CCDC197: variants seen among roughly 807,000 people sequenced by gnomAD.
CCDC197 encodes the protein uncharacterized protein CCDC197.
In CCDC197, 24 loss-of-function variants were observed where a neutral mutation model predicts 13.4. The observed-to-expected ratio is 1.80, with a 90% CI of 1.30 to 2.53. The LOEUF (loss-of-function observed/expected upper bound fraction) is 2.53, where lower values mean the gene tolerates loss of function less well. Among genes scored for constraint, CCDC197 ranks in the 30% most tolerant of loss-of-function variants. CCDC197 has a pLI of 0.00. For missense variants in CCDC197, 255 were observed against 148.8 expected (o/e 1.71, Z -3.71); for synonymous variants, 99 against 55.5 (o/e 1.78, Z -3.48).
At chr14:93,988,932 G>A (rs1890161691) in intron 1 of CCDC197, among the ~76,000 whole-genome samples, 1 of 151,280 alleles carries the variant, frequency 6.6e-6, no homozygotes. Flanking sequence ...GGAATGGGAG[G>A]AGGGGATGGG....
At chr14:94,008,206 C>T (rs957455588) in intron 6 of CCDC197, among the ~76,000 whole-genome samples, 1 of 152,228 alleles carries the variant, frequency 6.6e-6, no homozygotes, top group African/African-American at 2.4e-5. Flanking sequence ...AATTGAGCCA[C>T]CTGAATATGC....
intron 6 of CCDC197, 33 bp from the exon 7 acceptor site, chr14:94,008,576 A>G: frequency 1.4e-6 from 1 of 693,250 alleles, no homozygotes. Flanking sequence ...AGGCCAAAAC[A>G]CTGTCAGGTG....
At chr14:94,002,115 G>A (rs1890533856) in intron 4 of CCDC197, among the ~76,000 whole-genome samples, 1 of 152,176 alleles carries the variant, frequency 6.6e-6, no homozygotes, top group East Asian at 1.9e-4. Context: ...TATTCCAAGG[G>A]CTGGGACTAG....
rs1459257129 is a variant in CCDC197, at chr14:93,988,381, G to A, written c.-107+985G>A. On this transcript the variant is annotated intron_variant, in intron 1 of 7. Coordinates refer to the CCDC197 transcript ENST00000640978. ...GAGGAGGGCATGGGAGAGAGGACAA[G>A]AGAGGGGATGAGAGAGGGGATGGGA... Among the ~76,000 whole-genome samples, 15 of 106,970 alleles carry A rather than the reference G, an allele frequency of 1.4e-4. 1 individual carries two copies. Among genetic ancestry groups the A allele is most frequent in the African/African-American group, 5.5e-4 (14 of 25,664 alleles). The allele number at this position is 106,970 out of a possible 152,430, so 70.2% of individuals were successfully genotyped here. A position where few individuals can be genotyped will look rare whatever the true frequency, so the allele number is the denominator to read the frequency against.
At position 94,008,760 on chromosome 14, in the gene CCDC197, C is replaced by T; in HGVS notation, c.767C>T (p.Pro256Leu). The T allele has an allele frequency of 1.4e-6, 1 of 702,696 alleles. No homozygotes were observed. The highest frequency in any genetic ancestry group is 2.6e-6 in the Non-Finnish European group (1 of 385,012). 43.5% of individuals were successfully genotyped at this position (702,696 alleles called of 1,614,324 possible). A position where few individuals can be genotyped will look rare whatever the true frequency, so the allele number is the denominator to read the frequency against. The change falls in exon 7 of 7, where the codon CCC (proline) becomes CTC (leucine). Residue 256 changes from proline to leucine, a missense_variant. Transcript: ENST00000636493. ...TGTCCAAGGAGGCGGGTTTCCACCC[C>T]CAGGACCCCCTTTCCCAGCCCCCAT... ...RKCPRRRVSTPRTPFPSPHAS... is the reference protein window; with the variant it reads ...RKCPRRRVSTLRTPFPSPHAS...
At chr14:93,995,208 T>A (rs1890259081), upstream of CCDC197, among the ~76,000 whole-genome samples, 1 of 152,146 alleles carries the variant, frequency 6.6e-6, no homozygotes, top group African/African-American at 2.4e-5. Flanking sequence ...GCAGAGATGA[T>A]GATGAAGCTG....
chr14:93,994,456 AAG>A (rs1346367632), upstream of CCDC197, among the ~76,000 whole-genome samples: 1 of 152,158 alleles, frequency 6.6e-6, no homozygotes, highest in African/African-American at 2.4e-5. Flanking sequence ...ACTCCCAGTA[AAG>A]AGTCAGGCAG....
At chr14:94,008,210 A>G (rs966706226) in intron 6 of CCDC197, among the ~76,000 whole-genome samples, 3 of 152,240 alleles carry the variant, frequency 2.0e-5, no homozygotes, top group African/African-American at 7.2e-5. Context: ...GAGCCACCTG[A>G]ATATGCTCAG....
upstream of CCDC197, among the ~76,000 whole-genome samples, chr14:93,993,527 C>T (rs116236488): frequency 4.5e-3 from 681 of 152,326 alleles, 7 homozygotes; most frequent in African/African-American, 0.015. Context: ...CAGCTGGTAG[C>T]CCTGCCTCAA....
downstream of CCDC197, among the ~76,000 whole-genome samples, chr14:94,009,748 G>C (rs1890778219): frequency 6.6e-6 from 1 of 152,068 alleles, no homozygotes; most frequent in Admixed American, 6.6e-5. Context: ...CAGGGGTGGT[G>C]GTGAGAGGAT....
upstream of CCDC197, among the ~76,000 whole-genome samples, chr14:93,995,823 T>C (rs550101447): frequency 9.9e-5 from 15 of 152,248 alleles, no homozygotes; most frequent in East Asian, 3.9e-4. Flanking sequence ...CAGCCTCCCA[T>C]GCATCTCTCC....
Position 94,008,805 on chromosome 14 carries a change from T to G in CCDC197, c.812T>G (p.Leu271Arg). Residue 271 changes from leucine to arginine, a missense_variant, in exon 7 of 7, where the codon CTG (leucine) becomes CGG (arginine). Coordinates refer to ENST00000636493, the MANE Select transcript of CCDC197 (RefSeq NM_001351596.2). ...PSPHASECSG[L>R]Y is the part of the protein sequence containing the mutation. ...CCCCATGCTTCAGAGTGCTCCGGCC[T>G]GTACTGACCAGCCTGCGCCTTGCAG... 1.4e-6 allele frequency: 1 copy of G among 700,392 alleles called. No individual in the cohort carries two copies. The highest frequency in any genetic ancestry group is 2.6e-6 in the Non-Finnish European group (1 of 383,250). The allele number at this position is 700,392 out of a possible 1,614,324, so 43.4% of individuals were successfully genotyped here. A position where few individuals can be genotyped will look rare whatever the true frequency, so the allele number is the denominator to read the frequency against.
Position 94,001,307 on chromosome 14 carries a change from A to G in CCDC197, c.350A>G (p.His117Arg), listed in dbSNP as rs747926474. ...AGCCTGGAGTCTCTGGAGGAGGACC[A>G]CAGGGCTCTCATGTTGGTAACAGCT... ...HRSLESLEED[H>R]RALMLSLKIR... is the part of the protein sequence containing the mutation. The change falls in exon 4 of 7, where the codon CAC becomes CGC. Residue 117 changes from histidine to arginine, a missense_variant. Coordinates refer to ENST00000636493, the MANE Select transcript of CCDC197 (RefSeq NM_001351596.2). 4 of 776,782 alleles carry G rather than the reference A, an allele frequency of 5.1e-6. No homozygotes were observed. The highest frequency in any genetic ancestry group is 4.0e-5 in the South Asian group (3 of 74,162). The allele number at this position is 776,782 out of a possible 1,614,324, so 48.1% of individuals were successfully genotyped here.
chr14:93,997,531 G>A lies in CCDC197; in HGVS notation c.-174G>A, dbSNP rs567452532. 3 of 152,270 alleles carry A rather than the reference G, an allele frequency of 2.0e-5. No homozygotes were observed. Among genetic ancestry groups the A allele is most frequent in the African/African-American group, 7.3e-5 (3 of 41,328 alleles). The allele number at this position is 152,270 out of a possible 1,614,324, so 9.4% of individuals were successfully genotyped here. On this transcript the variant is annotated 5_prime_UTR_variant, in exon 1 of 7. Coordinates refer to ENST00000636493, the MANE Select transcript of CCDC197 (RefSeq NM_001351596.2). ...GACCATTTTCCCAGCTTGACCATGAGCTTCTTCAAGGCATCTCTTCTCAGT... is the reference window on the plus strand; with the variant it reads ...GACCATTTTCCCAGCTTGACCATGAACTTCTTCAAGGCATCTCTTCTCAGT...
intron 5 of CCDC197, among the ~76,000 whole-genome samples, chr14:94,004,489 A>T (rs544987039): frequency 4.6e-5 from 7 of 152,184 alleles, no homozygotes; most frequent in Admixed American, 6.5e-5. Flanking sequence ...AGCCCCTTTG[A>T]GGTCTCTCTC....
At chr14:93,998,701 A>G (rs1285494827) in intron 2 of CCDC197, among the ~76,000 whole-genome samples, 1 of 152,234 alleles carries the variant, frequency 6.6e-6, no homozygotes, top group Non-Finnish European at 1.5e-5. Context: ...TTTATGAAGA[A>G]AAGAGCTGAC....
Position 94,001,279 on chromosome 14 carries a change from CG to C in CCDC197, c.324del (p.Ser109AlafsTer14). On this transcript the variant is annotated frameshift_variant, in exon 4 of 7. Transcript: ENST00000636493. LOFTEE classifies it high-confidence loss of function. ...CTGCCAGATGATCCAGGCTGTCCAC[CG>C]GAGCCTGGAGTCTCTGGAGGAGGAC... ...AFCQMIQAVH[R>X]SLESLEEDHR... The C allele has an allele frequency of 1.3e-6, 1 of 780,500 alleles. No individual in the cohort carries two copies. Among genetic ancestry groups the C allele is most frequent in the Non-Finnish European group, 2.4e-6 (1 of 417,896 alleles). 48.3% of individuals were successfully genotyped at this position (780,500 alleles called of 1,614,324 possible).
intron 1 of CCDC197, among the ~76,000 whole-genome samples, chr14:93,988,429 G>C (rs1188716669): frequency 1.1e-5 from 1 of 87,130 alleles, no homozygotes; most frequent in Non-Finnish European, 2.3e-5. Flanking sequence ...AGGAGCAGAT[G>C]GGAGGAGAGG....
At chr14:93,998,767 A>T (rs1425450857) in intron 2 of CCDC197, among the ~76,000 whole-genome samples, 1 of 152,244 alleles carries the variant, frequency 6.6e-6, no homozygotes, top group African/African-American at 2.4e-5. Flanking sequence ...GTCACGGCTC[A>T]CAGGGCCCCA....
Sources: gnomAD v4.1 joint callset for allele counts (sites outside exome capture counted in the v4.1 genomes callset) on GRCh38, gnomAD v4.1.1 for gene constraint, MANE v1.5 for transcripts, NCBI Gene and HGNC (gene_info 2026-07-23, HGNC 2026-07-21) for gene names.